Variants in EYS observed in about 807,000 individuals in gnomAD.
EYS encodes the protein EGF-like photoreceptor maintenance factor, also known as protein eyes shut homolog.
EYS carries 250 observed loss-of-function variants against 282.1 expected under a neutral mutation model. The ratio of observed to expected loss-of-function variants is 0.89; its 90% CI spans 0.80 to 0.98. The LOEUF (loss-of-function observed/expected upper bound fraction) is 0.98, where lower values mean the gene tolerates loss of function less well. EYS is among the 50% of genes least tolerant of loss of function. The probability of loss-of-function intolerance (pLI) is 0.00; values close to 1 mark genes in which losing one functional copy is unlikely to be tolerated. For missense variants in EYS, 4,016 were observed against 3,709.0 expected (o/e 1.08, Z -2.15); for synonymous variants, 1,355 against 1,282.9 (o/e 1.06, Z -1.20).
chr6:63,823,078 TA>T (rs1771365667), intron 36 of EYS, among the ~76,000 whole-genome samples: 1 of 152,214 alleles, frequency 6.6e-6, no homozygotes. Flanking sequence ...ATTATGTTGA[TA>T]AATTTCCTAG....
intron 12 of EYS, among the ~76,000 whole-genome samples, chr6:65,085,422 G>A (rs12201515): frequency 0.041 from 6,170 of 152,136 alleles, 183 homozygotes; most frequent in South Asian, 0.064. Context: ...GTAGTCCCAT[G>A]AATTTTCTAA....
chr6:64,349,575 C>A (rs1474355442), intron 29 of EYS, among the ~76,000 whole-genome samples: 3 of 151,146 alleles, frequency 2.0e-5, no homozygotes, highest in African/African-American at 7.3e-5. Flanking sequence ...TAAATAGAAT[C>A]TTCTATTTGA....
chr6:64,705,590 A>G (rs1168300626), intron 22 of EYS, among the ~76,000 whole-genome samples: 1 of 151,868 alleles, frequency 6.6e-6, no homozygotes, highest in Non-Finnish European at 1.5e-5. Flanking sequence ...ATGTCCAACA[A>G]TGATAGACTG....
chr6:63,779,416 T>C (rs1156275496), intron 39 of EYS: 1 of 150,222 alleles, frequency 6.7e-6, no homozygotes, highest in African/African-American at 2.5e-5. Flanking sequence ...ATCGCGCCAC[T>C]GCACTCCAGC....
At chr6:65,156,865 A>G (rs1404991477) in intron 12 of EYS, among the ~76,000 whole-genome samples, 1 of 151,048 alleles carries the variant, frequency 6.6e-6, no homozygotes, top group Non-Finnish European at 1.5e-5. Flanking sequence ...GATAATGGAA[A>G]AATCTACTTG....
chr6:65,074,682 C>T (rs1773995535), intron 12 of EYS, among the ~76,000 whole-genome samples: 1 of 151,936 alleles, frequency 6.6e-6, no homozygotes, highest in Non-Finnish European at 1.5e-5. Flanking sequence ...CAGATCATAG[C>T]AGAGAAATGA....
In EYS at chr6:63,789,158, A is replaced by T. The variant is rs1349343428; in HGVS notation, c.7478T>A (p.Leu2493Gln). 2 of 1,551,666 alleles carry T rather than the reference A, an allele frequency of 1.3e-6. No individual in the cohort carries two copies. The highest frequency in any genetic ancestry group is 1.7e-6 in the Non-Finnish European group (2 of 1,146,952). The change falls in exon 38 of 43, where the codon CTG becomes CAG. Residue 2493 changes from leucine (L) to glutamine (Q), a missense_variant. Transcript: ENST00000503581. ...CCTGATGCTTGCTATGCCAGACCCC[A>T]GGTTATAACTATAAACCACACTGCC... ...LNGSVVYSYN[L>Q]GSGIASIRSE...
intron 30 of EYS, among the ~76,000 whole-genome samples, chr6:64,292,377 A>C (rs1382884316): frequency 2.6e-5 from 4 of 152,170 alleles, no homozygotes; most frequent in Non-Finnish European, 4.4e-5. Flanking sequence ...ATGGTCCAAA[A>C]GTTTAAAAAA....
At chr6:64,642,715 A>AAAC (rs1050986940) in intron 22 of EYS, among the ~76,000 whole-genome samples, 1 of 152,240 alleles carries the variant, frequency 6.6e-6, no homozygotes. Context: ...AAAAGCAAAC[A>AAAC]AACAACAACA....
intron 26 of EYS, among the ~76,000 whole-genome samples, chr6:64,523,604 T>TA (rs1382253319): frequency 6.6e-6 from 1 of 151,708 alleles, no homozygotes; most frequent in African/African-American, 2.4e-5. Context: ...AAGGAGGACA[T>TA]AAACTATTCT....
chr6:65,402,872 C>T (rs1029153550), intron 6 of EYS, among the ~76,000 whole-genome samples: 2 of 152,002 alleles, frequency 1.3e-5, no homozygotes, highest in African/African-American at 2.4e-5. Context: ...AGATTGTGAT[C>T]ATGGAGACAA....
At chr6:65,109,568 C>A (rs191530632) in intron 12 of EYS, among the ~76,000 whole-genome samples, 265 of 151,682 alleles carry the variant, frequency 1.7e-3, no homozygotes, top group Non-Finnish European at 6.9e-4. Flanking sequence ...GTTTTGAGAG[C>A]CCCCCCTTTG....
rs147149631 is a variant in EYS, at chr6:64,538,138, A to C, written c.5644+52085T>G. The stretch of plus-strand genomic sequence containing the variant: ...GAATCAGATTTATGAGGATGCAGTA[A>C]AAGATTAAGATTTTGGCTGGTGCTC... On this transcript the variant is annotated intron_variant, in intron 26 of 42. Transcript: ENST00000503581. 3.2e-3 allele frequency among the ~76,000 whole-genome samples: 482 copies of C among 152,282 alleles called. 1 individual carries two copies. The highest frequency in any genetic ancestry group is 0.01 in the Middle Eastern group (3 of 294).
intron 7 of EYS, among the ~76,000 whole-genome samples, chr6:65,387,489 A>T (rs943954153): frequency 1.1e-4 from 17 of 152,024 alleles, no homozygotes; most frequent in Non-Finnish European, 2.1e-4. Flanking sequence ...TAATATAATT[A>T]AAAATAAAAT....
At chr6:64,548,896 AC>A (rs2149804118) in intron 26 of EYS, among the ~76,000 whole-genome samples, 1 of 152,236 alleles carries the variant, frequency 6.6e-6, no homozygotes, top group South Asian at 2.1e-4. Context: ...CTTCCTCCCA[AC>A]TGTTGCCCAT....
chr6:64,635,479 T>G (rs1340037659), intron 22 of EYS, among the ~76,000 whole-genome samples: 1 of 152,212 alleles, frequency 6.6e-6, no homozygotes, highest in African/African-American at 2.4e-5. Context: ...TAGCTCTTAT[T>G]ATTTTGAGAT....
At chr6:63,879,949 G>T (rs539640012) in intron 35 of EYS, among the ~76,000 whole-genome samples, 1 of 152,132 alleles carries the variant, frequency 6.6e-6, no homozygotes, top group African/African-American at 2.4e-5. Context: ...TGTACTGAAC[G>T]TATTAAATAT....
rs1243555371 is a variant in EYS, at chr6:65,356,031, T to G, written c.1300-2414A>C. ...TATAAAAGAGATACCAGCACAAGTA[T>G]GCTTAGATTCATTATTCATGATACC... On this transcript the variant is annotated intron_variant, in intron 8 of 42. Coordinates refer to ENST00000503581, the MANE Select transcript of EYS (RefSeq NM_001142800.2). Among the ~76,000 whole-genome samples, 5 of 152,080 alleles carry G rather than the reference T, an allele frequency of 3.3e-5. No individual in the cohort carries two copies. In the East Asian group the frequency reaches 7.7e-4, roughly 23 times the overall value.
intron 26 of EYS, among the ~76,000 whole-genome samples, chr6:64,548,465 T>G (rs1295072089): frequency 6.6e-6 from 1 of 152,196 alleles, no homozygotes; most frequent in Non-Finnish European, 1.5e-5. Flanking sequence ...TAAGAAAATG[T>G]GACACATATA....
Sources: gnomAD v4.1 joint callset for allele counts (sites outside exome capture counted in the v4.1 genomes callset) on GRCh38, gnomAD v4.1.1 for gene constraint, MANE v1.5 for transcripts, NCBI Gene and HGNC (gene_info 2026-07-23, HGNC 2026-07-21) for gene names.